The following CCDC178 variants were observed in gnomAD, a reference collection of about 807,000 sequenced individuals.
The protein encoded by CCDC178 is coiled-coil domain containing 178.
A neutral mutation model predicts 117.4 loss-of-function variants in CCDC178; 126 were observed. That is an observed-to-expected ratio of 1.07 (90% CI 0.93 to 1.24). The LOEUF (loss-of-function observed/expected upper bound fraction) is 1.24, where lower values mean the gene tolerates loss of function less well. Ranked by LOEUF, CCDC178 falls within the 50% of genes most tolerant of loss-of-function variation. The pLI is 0.00. For missense variants in CCDC178, 1,030 were observed against 986.9 expected, an observed-to-expected ratio of 1.04 and a Z score of -0.59; for synonymous variants, 283 against 313.4, an observed-to-expected ratio of 0.90 and a Z score of 1.02.
intron 21 of CCDC178, among the ~76,000 whole-genome samples, chr18:33,078,959 G>A (rs1253883617): frequency 2.6e-5 from 4 of 151,980 alleles, no homozygotes; most frequent in African/African-American, 9.7e-5. Context: ...AAAAAAGCCT[G>A]AATAGCCAAG....
chr18:33,181,701 A>C (rs2058734602), intron 20 of CCDC178, among the ~76,000 whole-genome samples: 1 of 151,902 alleles, frequency 6.6e-6, no homozygotes, highest in African/African-American at 2.4e-5. Flanking sequence ...AGGTTATAAC[A>C]GTGCCCATAC....
rs8086091 is a variant in CCDC178, at chr18:32,993,675, G to T, written c.2389-18994C>A. Reference sequence around the variant, plus strand: ...ACAGATAGGGATTAGTTTATTTCAGGTGTATTGTAGTTGGTTGTATATGTG... The same window carrying T: ...ACAGATAGGGATTAGTTTATTTCAGTTGTATTGTAGTTGGTTGTATATGTG... On this transcript the variant is annotated intron_variant, in intron 21 of 22. Transcript: ENST00000383096. Among the ~76,000 whole-genome samples, 1,413 of 152,252 alleles carry T rather than the reference G, an allele frequency of 9.3e-3. 22 individuals are homozygous for T. Among genetic ancestry groups the T allele is most frequent in the African/African-American group, 0.033 (1,357 of 41,548 alleles).
intron 3 of CCDC178, among the ~76,000 whole-genome samples, chr18:33,405,437 AT>A (rs1479141884): frequency 6.6e-6 from 1 of 151,860 alleles, no homozygotes; most frequent in African/African-American, 2.4e-5. Flanking sequence ...AAAACAAAAA[AT>A]AAAAAATCCT....
intron 6 of CCDC178, 137 bp from the exon 7 acceptor site, chr18:33,356,483 T>C (rs2063059272): frequency 1.1e-6 from 1 of 932,960 alleles, no homozygotes; most frequent in African/African-American, 1.7e-5. Flanking sequence ...TACTCTCGGT[T>C]GTATAAACCA....
intron 21 of CCDC178, among the ~76,000 whole-genome samples, chr18:32,979,407 C>T (rs1253206064): frequency 6.6e-6 from 1 of 152,046 alleles, no homozygotes; most frequent in African/African-American, 2.4e-5. Context: ...GATCTGCCCT[C>T]CTCAGCCTCC....
chr18:33,144,265 C>A (rs539779264), intron 20 of CCDC178, among the ~76,000 whole-genome samples: 3 of 152,124 alleles, frequency 2.0e-5, no homozygotes, highest in Admixed American at 2.0e-4. Context: ...AGACAATTCC[C>A]TTTCAAGGTT....
intron 12 of CCDC178, among the ~76,000 whole-genome samples, chr18:33,271,468 G>C (rs761382770): frequency 6.6e-6 from 1 of 151,532 alleles, no homozygotes; most frequent in Admixed American, 6.6e-5. Flanking sequence ...TAGAGCTGAA[G>C]TGGCTAGATT....
At chr18:33,221,460 A>G (rs1459567583) in intron 18 of CCDC178, among the ~76,000 whole-genome samples, 1 of 152,024 alleles carries the variant, frequency 6.6e-6, no homozygotes, top group Non-Finnish European at 1.5e-5. Flanking sequence ...AATTGATGAG[A>G]CACTTAGTGC....
At chr18:32,942,272 T>A (rs1244861178) in intron 22 of CCDC178, among the ~76,000 whole-genome samples, 1 of 152,144 alleles carries the variant, frequency 6.6e-6, no homozygotes, top group Non-Finnish European at 1.5e-5. Context: ...AATATCGCCA[T>A]ACATGTCCTG....
intron 15 of CCDC178, among the ~76,000 whole-genome samples, chr18:33,241,191 T>TA (rs879350217): frequency 6.6e-6 from 1 of 151,790 alleles, no homozygotes; most frequent in Non-Finnish European, 1.5e-5. Context: ...AGAAGGAAAA[T>TA]ATCTCAACAC....
At chr18:33,204,757 T>C (rs1198547488) in intron 20 of CCDC178, among the ~76,000 whole-genome samples, 2 of 152,166 alleles carry the variant, frequency 1.3e-5, no homozygotes, top group African/African-American at 2.4e-5. Flanking sequence ...AAAAGAATTC[T>C]TAACAAATAT....
intron 11 of CCDC178, among the ~76,000 whole-genome samples, chr18:33,304,049 G>T (rs1405948684): frequency 6.6e-6 from 1 of 152,142 alleles, no homozygotes; most frequent in African/African-American, 2.4e-5. Context: ...TAGGAATAGT[G>T]CATTGTATTT....
rs564438070 is a variant in CCDC178 at position 33,302,021 on chromosome 18, T to C, written c.1023-8709A>G. Among the ~76,000 whole-genome samples the C allele has an allele frequency of 3.8e-4, 57 of 151,888 alleles. No individual in the cohort carries two copies. In the Middle Eastern group the frequency reaches 9.5e-3, roughly 25 times the overall value. The stretch of plus-strand genomic sequence containing the variant: ...GTTGGAGATGGGACATGCTGGGAGG[T>C]GTTTTGGTCATGGGAGTGGATCCTT... On this transcript the variant is annotated intron_variant, in intron 11 of 22. Transcript: ENST00000383096.
At chr18:33,121,052 A>G (rs1347499656) in intron 20 of CCDC178, among the ~76,000 whole-genome samples, 1 of 152,114 alleles carries the variant, frequency 6.6e-6, no homozygotes, top group East Asian at 1.9e-4. Context: ...TGATGTGTCA[A>G]CTTTGCTAGT....
intron 21 of CCDC178, among the ~76,000 whole-genome samples, chr18:33,018,279 A>C (rs1197490037): frequency 6.6e-6 from 1 of 152,086 alleles, no homozygotes; most frequent in Non-Finnish European, 1.5e-5. Flanking sequence ...CAAACAACAA[A>C]AAAGCAGAAA....
At chr18:33,159,361 A>T (rs1273171677) in intron 20 of CCDC178, among the ~76,000 whole-genome samples, 1 of 152,134 alleles carries the variant, frequency 6.6e-6, no homozygotes, top group Non-Finnish European at 1.5e-5. Context: ...AGCTGTAACA[A>T]CTACCACAAA....
At chr18:33,426,382 G>A (rs1188770566) in intron 2 of CCDC178, among the ~76,000 whole-genome samples, 4 of 152,184 alleles carry the variant, frequency 2.6e-5, no homozygotes, top group Admixed American at 2.6e-4. Flanking sequence ...GCACCCTCAA[G>A]GAATCCATCA....
intron 22 of CCDC178, among the ~76,000 whole-genome samples, chr18:32,967,398 C>T (rs987196023): frequency 4.6e-5 from 7 of 151,500 alleles, no homozygotes; most frequent in African/African-American, 7.3e-5. Context: ...ATGTCTTAGA[C>T]TATATCTTTT....
chr18:33,013,535 T>C (rs945371590), intron 21 of CCDC178, among the ~76,000 whole-genome samples: 6 of 152,218 alleles, frequency 3.9e-5, no homozygotes, highest in African/African-American at 1.4e-4. Flanking sequence ...CACATATAAT[T>C]TTATGACATA....
Sources: gnomAD v4.1 joint callset for allele counts (sites outside exome capture counted in the v4.1 genomes callset) on GRCh38, gnomAD v4.1.1 for gene constraint, MANE v1.5 for transcripts, NCBI Gene and HGNC (gene_info 2026-07-23, HGNC 2026-07-21) for gene names.